The following AFF3 variants were observed in gnomAD, a reference collection of about 807,000 sequenced individuals.
AFF3 encodes the protein AF4/FMR2 family member 3.
In AFF3, 32 loss-of-function variants were observed where a neutral mutation model predicts 129.7. The ratio of observed to expected loss-of-function variants is 0.25; its 90% confidence interval spans 0.19 to 0.33. The LOEUF (loss-of-function observed/expected upper bound fraction) is 0.33. AFF3 is among the 10% of genes least tolerant of loss of function. The pLI, the probability that AFF3 is intolerant of heterozygous loss-of-function variation, is 1.00. For synonymous variants in AFF3, 644 were observed against 635.4 expected (o/e 1.01, Z -0.20); for missense variants, 1,373 against 1,592.0 (o/e 0.86, Z 2.34).
chr2:99,570,080 C>G (rs957009300), intron 18 of AFF3, among the ~76,000 whole-genome samples: 5 of 152,194 alleles, frequency 3.3e-5, no homozygotes, highest in South Asian at 2.1e-4. Flanking sequence ...CCCATGCCCC[C>G]CTCTGAGGGC....
intron 13 of AFF3, among the ~76,000 whole-genome samples, chr2:99,607,096 G>A (rs982395075): frequency 6.6e-5 from 10 of 152,118 alleles, no homozygotes; most frequent in African/African-American, 2.4e-4. Flanking sequence ...GGCTGGTTTT[G>A]TGAGTGGTCA....
chr2:99,878,153 C>T (rs569058452), intron 7 of AFF3, among the ~76,000 whole-genome samples: 8 of 152,102 alleles, frequency 5.3e-5, no homozygotes, highest in South Asian at 2.1e-4. Flanking sequence ...AAACAAGAAG[C>T]GGAAAGAGGA....
intron 2 of AFF3, among the ~76,000 whole-genome samples, chr2:100,115,379 T>C (rs1232751856): frequency 6.6e-6 from 1 of 152,012 alleles, no homozygotes; most frequent in African/African-American, 2.4e-5. Flanking sequence ...GAAACCTCGT[T>C]TCTACTAAAA....
chr2:99,698,618 T>C (rs1676537811), intron 11 of AFF3, among the ~76,000 whole-genome samples: 1 of 152,238 alleles, frequency 6.6e-6, no homozygotes, highest in Non-Finnish European at 1.5e-5. Context: ...TTTTTACATA[T>C]TTACCAGCAA....
intron 8 of AFF3, among the ~76,000 whole-genome samples, chr2:99,809,468 T>C (rs965289404): frequency 5.3e-5 from 8 of 152,152 alleles, no homozygotes; most frequent in Non-Finnish European, 1.0e-4. Flanking sequence ...GCCCATTCAA[T>C]AGAAGCAGAA....
chr2:99,678,673 C>T lies in AFF3; in HGVS notation c.1092-6084G>A, dbSNP rs546544902. The stretch of plus-strand genomic sequence containing the variant: ...ATAGCTGGTGCTGCTACTATCTCCA[C>T]CTACGTGAGATTTAAAGCCTAAGAC... On this transcript the variant is annotated intron_variant, in intron 11 of 24. Transcript: ENST00000672756. 3.3e-5 allele frequency among the ~76,000 whole-genome samples: 5 copies of T among 152,336 alleles called. No individual in the cohort carries two copies. The South Asian group carries it at 8.3e-4, about 25-fold the overall frequency.
At chr2:99,943,399 T>C (rs1222597629) in intron 7 of AFF3, among the ~76,000 whole-genome samples, 3 of 152,318 alleles carry the variant, frequency 2.0e-5, no homozygotes, top group South Asian at 2.1e-4. Flanking sequence ...GTTACTATTA[T>C]TTACCCATCA....
At position 99,642,415 on chromosome 2, in the gene AFF3, G is replaced by A. The variant is rs551427018; in HGVS notation, c.1184+7211C>T. On this transcript the variant is annotated intron_variant, in intron 13 of 24. Coordinates refer to ENST00000672756, the MANE Select transcript of AFF3 (RefSeq NM_001386135.1). Reference sequence around the variant, plus strand: ...CAAGCAGGCATGAACACCTCTTTGAGCCACTAAGCGATGAGCCCCTCATCA... The same window carrying A: ...CAAGCAGGCATGAACACCTCTTTGAACCACTAAGCGATGAGCCCCTCATCA... Among the ~76,000 whole-genome samples, 114 of 152,042 alleles carry A rather than the reference G, an allele frequency of 7.5e-4. 3 individuals carry two copies. The South Asian group carries it at 0.023, about 31-fold the overall frequency.
At chr2:99,773,237 G>A (rs1683630439) in intron 8 of AFF3, among the ~76,000 whole-genome samples, 2 of 152,186 alleles carry the variant, frequency 1.3e-5, no homozygotes, top group South Asian at 4.1e-4. Flanking sequence ...GTTTCTGAGG[G>A]CAGAGACCCC....
chr2:99,940,513 G>C (rs898266378), intron 7 of AFF3, among the ~76,000 whole-genome samples: 2 of 152,200 alleles, frequency 1.3e-5, no homozygotes, highest in Non-Finnish European at 2.9e-5. Context: ...CCAAGATGGT[G>C]ACGAGAGTGA....
intron 13 of AFF3, among the ~76,000 whole-genome samples, chr2:99,616,976 C>T (rs918231970): frequency 1.3e-5 from 2 of 152,270 alleles, no homozygotes; most frequent in Admixed American, 6.5e-5. Context: ...TATACTGTAG[C>T]GTGTATCAGC....
chr2:100,020,364 G>A (rs1482582298), intron 4 of AFF3, among the ~76,000 whole-genome samples: 3 of 152,048 alleles, frequency 2.0e-5, no homozygotes, highest in African/African-American at 7.2e-5. Context: ...TCAAGTGACA[G>A]TCTTTATGGG....
intron 13 of AFF3, among the ~76,000 whole-genome samples, chr2:99,617,726 T>C (rs1221787886): frequency 1.3e-5 from 2 of 152,214 alleles, no homozygotes; most frequent in African/African-American, 4.8e-5. Flanking sequence ...GTAACAGATG[T>C]TTAAATATAT....
At chr2:99,780,974 C>T (rs1684361020) in intron 8 of AFF3, among the ~76,000 whole-genome samples, 1 of 152,180 alleles carries the variant, frequency 6.6e-6, no homozygotes, top group African/African-American at 2.4e-5. Flanking sequence ...CAGATCATGT[C>T]AGTCTTCTGC....
chr2:99,837,327 T>C (rs570799135), intron 8 of AFF3, 150 bp downstream of exon 8: 15 of 695,896 alleles, frequency 2.2e-5, no homozygotes, highest in Middle Eastern at 3.4e-4. Flanking sequence ...TTAACAGAAG[T>C]GTTGTTTCAA....
intron 4 of AFF3, among the ~76,000 whole-genome samples, chr2:100,063,489 T>TA (rs968653644): frequency 2.4e-4 from 37 of 151,668 alleles, no homozygotes; most frequent in Non-Finnish European, 4.3e-4. Flanking sequence ...ATTATTGAAA[T>TA]AAAAAAATTT....
In AFF3 at chr2:99,879,721, G is replaced by A. The variant is rs141954900; in HGVS notation, c.874-42197C>T. Reference sequence around the variant, plus strand: ...TCACAAACCATCACATCTTGCCAACGTGCCCAAGGACCATATCTGTGCTCT... The same window carrying A: ...TCACAAACCATCACATCTTGCCAACATGCCCAAGGACCATATCTGTGCTCT... On this transcript the variant is annotated intron_variant, in intron 7 of 24. Coordinates refer to ENST00000672756, the MANE Select transcript of AFF3 (RefSeq NM_001386135.1). Among the ~76,000 whole-genome samples, 539 of 152,252 alleles carry A rather than the reference G, an allele frequency of 3.5e-3. 4 individuals carry two copies. Among genetic ancestry groups the A allele is most frequent in the African/African-American group, 0.012 (506 of 41,532 alleles).
intron 4 of AFF3, among the ~76,000 whole-genome samples, chr2:100,054,062 G>T (rs1390517548): frequency 6.6e-6 from 1 of 152,144 alleles, no homozygotes; most frequent in Non-Finnish European, 1.5e-5. Flanking sequence ...AACCCTGAGG[G>T]CTGGAGAGGG....
intron 7 of AFF3, among the ~76,000 whole-genome samples, chr2:99,876,347 A>T (rs1242954919): frequency 6.6e-6 from 1 of 152,218 alleles, no homozygotes; most frequent in Non-Finnish European, 1.5e-5. Flanking sequence ...CTTTGCTGCT[A>T]AACTTCTCCT....
Sources: gnomAD v4.1 joint callset for allele counts (sites outside exome capture counted in the v4.1 genomes callset) on GRCh38, gnomAD v4.1.1 for gene constraint, MANE v1.5 for transcripts, NCBI Gene and HGNC (gene_info 2026-07-23, HGNC 2026-07-21) for gene names.